Variants in RBFOX1 observed in about 807,000 individuals in gnomAD.
RBFOX1 encodes the protein RNA binding fox-1 homolog 1, also known as RNA binding protein fox-1 homolog 1.
RBFOX1 carries 8 observed loss-of-function variants against 57.7 expected under a neutral mutation model. The observed-to-expected ratio is 0.14, with a 90% confidence interval of 0.08 to 0.25. The LOEUF (loss-of-function observed/expected upper bound fraction) is 0.25, where lower values mean the gene tolerates loss of function less well. Among genes scored for constraint, RBFOX1 ranks in the 10% least tolerant of loss-of-function variants. The probability of loss-of-function intolerance (pLI) is 1.00; values close to 1 mark genes in which losing one functional copy is unlikely to be tolerated. For synonymous variants in RBFOX1, 326 were observed against 222.4 expected (o/e 1.47, Z -4.15); for missense variants, 611 against 548.5 (o/e 1.11, Z -1.14).
chr16:6,581,030 A>G (rs1254410847), intron 2 of RBFOX1, among the ~76,000 whole-genome samples: 4 of 152,116 alleles, frequency 2.6e-5, no homozygotes, highest in Non-Finnish European at 4.4e-5. Context: ...TGATTTTAGA[A>G]GAATGCTGTA....
intron 2 of RBFOX1, among the ~76,000 whole-genome samples, chr16:6,433,579 C>A (rs2094153945): frequency 6.6e-6 from 1 of 152,166 alleles, no homozygotes; most frequent in South Asian, 2.1e-4. Context: ...TGGCTTAAAG[C>A]AAGAACCTTA....
intron 14 of RBFOX1, among the ~76,000 whole-genome samples, chr16:7,705,850 T>C (rs932325481): frequency 1.3e-5 from 2 of 152,150 alleles, no homozygotes; most frequent in Admixed American, 6.5e-5. Context: ...AGTGGACACA[T>C]TGAAGATTTC....
At chr16:6,023,946 G>T (rs1339880578) in intron 1 of RBFOX1, among the ~76,000 whole-genome samples, 1 of 152,130 alleles carries the variant, frequency 6.6e-6, no homozygotes, top group Admixed American at 6.5e-5. Flanking sequence ...TCAAAACAAG[G>T]GGATCTAGCA....
chr16:5,793,753 G>A (rs1011992320), intron 3 of RBFOX1, among the ~76,000 whole-genome samples: 1 of 152,070 alleles, frequency 6.6e-6, no homozygotes, highest in Non-Finnish European at 1.5e-5. Context: ...TCGTGTGTGT[G>A]TGTGCATGCA....
At chr16:6,370,809 T>C (rs2090326488) in intron 2 of RBFOX1, among the ~76,000 whole-genome samples, 1 of 152,262 alleles carries the variant, frequency 6.6e-6, no homozygotes, top group Non-Finnish European at 1.5e-5. Flanking sequence ...AATTGAATAC[T>C]TTAAAATAAT....
At chr16:5,559,772 T>C (rs2045824698) in intron 2 of RBFOX1, among the ~76,000 whole-genome samples, 1 of 152,178 alleles carries the variant, frequency 6.6e-6, no homozygotes, top group Admixed American at 6.5e-5. Context: ...ACTCCCCTCA[T>C]CTTGCTTTTA....
At chr16:6,141,801 A>C (rs951561043) in intron 1 of RBFOX1, among the ~76,000 whole-genome samples, 1 of 152,092 alleles carries the variant, frequency 6.6e-6, no homozygotes, top group Non-Finnish European at 1.5e-5. Flanking sequence ...AAAAATCTGT[A>C]ATCTCAGCAC....
chr16:7,650,558 C>T lies in RBFOX1; in HGVS notation c.758-3257C>T, dbSNP rs931925431. 4.0e-5 allele frequency among the ~76,000 whole-genome samples: 6 copies of T among 149,768 alleles called. No individual in the cohort carries two copies. The East Asian group carries it at 6.1e-4, about 15-fold the overall frequency. On this transcript the variant is annotated intron_variant, in intron 11 of 15. Coordinates refer to ENST00000550418, the MANE Select transcript of RBFOX1 (RefSeq NM_018723.4). ...TCCTGGCTCCACGCTCTTAACAGCA[C>T]GTGCTCCCCTCTCTCTCTCTTGCCA...
chr16:5,787,192 G>A (rs892843329), intron 3 of RBFOX1, among the ~76,000 whole-genome samples: 7 of 152,132 alleles, frequency 4.6e-5, no homozygotes, highest in Admixed American at 2.0e-4. Flanking sequence ...AGAAGACTTT[G>A]TAATGACTCC....
chr16:6,823,814 G>A (rs1448746841), intron 3 of RBFOX1, among the ~76,000 whole-genome samples: 1 of 152,116 alleles, frequency 6.6e-6, no homozygotes, highest in South Asian at 2.1e-4. Context: ...TCCTACCTCT[G>A]GGGACCTAGC....
rs113777899 is a variant in RBFOX1, at chr16:6,617,545, A to G, written c.-63-37058A>G. On this transcript the variant is annotated intron_variant, in intron 2 of 15. Coordinates refer to ENST00000550418, the MANE Select transcript of RBFOX1 (RefSeq NM_018723.4). ...CTATAGAGATGAGATCAAGATGGCC[A>G]TGTGGTTATAGACAGGGCTGGAGGA... Among the ~76,000 whole-genome samples, 1,272 of 152,160 alleles carry G rather than the reference A, an allele frequency of 8.4e-3. 22 individuals are homozygous for G. The highest frequency in any genetic ancestry group is 0.029 in the African/African-American group (1,201 of 41,528).
chr16:5,780,648 T>C (rs2054296462), intron 3 of RBFOX1, among the ~76,000 whole-genome samples: 1 of 152,208 alleles, frequency 6.6e-6, no homozygotes, highest in Non-Finnish European at 1.5e-5. Context: ...CAAAGTAGGC[T>C]GCCTCCTCTC....
At chr16:5,953,725 T>TAA (rs1255685471) in intron 4 of RBFOX1, among the ~76,000 whole-genome samples, 1 of 149,028 alleles carries the variant, frequency 6.7e-6, no homozygotes, top group Non-Finnish European at 1.5e-5. Flanking sequence ...TATATATATA[T>TAA]AAAAAACACA....
chr16:5,752,511 C>G (rs1242484096), intron 3 of RBFOX1, among the ~76,000 whole-genome samples: 1 of 152,228 alleles, frequency 6.6e-6, no homozygotes, highest in Non-Finnish European at 1.5e-5. Context: ...ACCCACCTAG[C>G]TGTTTCACGC....
At chr16:5,528,498 A>G (rs1409674955) in intron 2 of RBFOX1, among the ~76,000 whole-genome samples, 3 of 150,288 alleles carry the variant, frequency 2.0e-5, no homozygotes, top group Non-Finnish European at 4.4e-5. Context: ...CAATGGCATT[A>G]TAGGTCAAAG....
chr16:6,910,855 C>T (rs1221574658), intron 3 of RBFOX1, among the ~76,000 whole-genome samples: 3 of 152,174 alleles, frequency 2.0e-5, no homozygotes, highest in African/African-American at 7.2e-5. Context: ...AGAATGCCTC[C>T]ATTTCATGCT....
At chr16:7,055,121 A>G (rs1010194197) in intron 4 of RBFOX1, among the ~76,000 whole-genome samples, 8 of 152,216 alleles carry the variant, frequency 5.3e-5, no homozygotes, top group Non-Finnish European at 8.8e-5. Context: ...AGGAAATACC[A>G]TGTTAAAAAA....
chr16:6,913,214 G>A (rs972819681), intron 3 of RBFOX1, among the ~76,000 whole-genome samples: 3 of 152,128 alleles, frequency 2.0e-5, no homozygotes, highest in Admixed American at 1.3e-4. Context: ...TGCAAAAACA[G>A]GGTATCGGAA....
intron 4 of RBFOX1, among the ~76,000 whole-genome samples, chr16:7,486,264 A>G (rs577329091): frequency 6.6e-6 from 1 of 151,504 alleles, no homozygotes; most frequent in East Asian, 1.9e-4. Context: ...CTGGCATTAC[A>G]GTCCTCCTGA....
Sources: gnomAD v4.1 joint callset for allele counts (sites outside exome capture counted in the v4.1 genomes callset) on GRCh38, gnomAD v4.1.1 for gene constraint, MANE v1.5 for transcripts, NCBI Gene and HGNC (gene_info 2026-07-23, HGNC 2026-07-21) for gene names.